The following RNF44 variants were observed in gnomAD, a reference collection of about 807,000 sequenced individuals.
RNF44 encodes ring finger protein 44.
In RNF44, 25 loss-of-function variants were observed where a neutral mutation model predicts 53.6. The observed-to-expected ratio is 0.47, with a 90% CI of 0.34 to 0.65. The LOEUF (loss-of-function observed/expected upper bound fraction) is 0.65. Ranked by LOEUF, RNF44 falls within the 30% of genes least tolerant of loss-of-function variation. RNF44 has a pLI of 0.01. For synonymous variants in RNF44, 282 were observed against 252.2 expected (o/e 1.12, Z -1.12); for missense variants, 581 against 595.5 (o/e 0.98, Z 0.25).
intron 1 of RNF44, among the ~76,000 whole-genome samples, chr5:176,533,047 T>G (rs539909002): frequency 1.1e-3 from 161 of 152,300 alleles, no homozygotes; most frequent in African/African-American, 3.5e-3. Flanking sequence ...AGGCTCCTGC[T>G]GGGCGGGGTC....
At chr5:176,540,680 GC>G (rs1757426940), upstream of RNF44, among the ~76,000 whole-genome samples, 1 of 152,222 alleles carries the variant, frequency 6.6e-6, no homozygotes, top group Non-Finnish European at 1.5e-5. Context: ...CAGGAATGGG[GC>G]TCTGGATCTG....
chr5:176,532,232 G>T (rs1460320195), intron 2 of RNF44, 39 bp from the exon 3 acceptor site: 26 of 1,489,610 alleles, frequency 1.7e-5, no homozygotes, highest in Non-Finnish European at 2.0e-5. Context: ...GACTGAGGGG[G>T]GCCACTCGTG....
intron 7 of RNF44, 90 bp from the exon 8 acceptor site, chr5:176,529,908 C>G (rs1012532333): frequency 1.4e-6 from 2 of 1,408,318 alleles, no homozygotes; most frequent in Non-Finnish European, 1.9e-6. Flanking sequence ...GCAAACAGAG[C>G]CCAGAACGTT....
At chr5:176,537,618 T>C (rs1271225208), upstream of RNF44, 1 of 152,188 alleles carries the variant, frequency 6.6e-6, no homozygotes, top group Non-Finnish European at 1.5e-5. Context: ...GCAAAACCGA[T>C]CGGCTGCAAC....
In RNF44 at chr5:176,527,786, C is replaced by T. The variant is rs992057893; in HGVS notation, c.*1242G>A. On this transcript the variant is annotated 3_prime_UTR_variant, in exon 11 of 11. Transcript: ENST00000274811. ...AAAGTGGGTGGGAAGCTCAGCCAGA[C>T]CCTACAGCGGCCTCCTCCAGAACTT... The T allele has an allele frequency of 1.3e-5, 2 of 152,334 alleles. No individual in the cohort carries two copies. Among genetic ancestry groups the T allele is most frequent in the Non-Finnish European group, 2.9e-5 (2 of 68,116 alleles). The allele number at this position is 152,334 out of a possible 1,614,324, so 9.4% of individuals were successfully genotyped here.
In RNF44 at chr5:176,527,402, G is replaced by A. The variant is rs1326751854; in HGVS notation, c.*1626C>T. The A allele has an allele frequency of 6.6e-6, 1 of 152,616 alleles. No individual in the cohort carries two copies. Among genetic ancestry groups the A allele is most frequent in the African/African-American group, 2.4e-5 (1 of 41,454 alleles). 9.5% of individuals were successfully genotyped at this position (152,616 alleles called of 1,614,324 possible). On this transcript the variant is annotated 3_prime_UTR_variant, in exon 11 of 11. Coordinates refer to ENST00000274811, the MANE Select transcript of RNF44 (RefSeq NM_014901.5). The stretch of plus-strand genomic sequence containing the variant: ...TGTGAGCCTGTTTCCGCCTGCCCCA[G>A]GAACTGTAAGGGGTTTGAAAACGTT...
At chr5:176,535,653 T>A (rs1055138677) in intron 1 of RNF44, among the ~76,000 whole-genome samples, 1 of 152,150 alleles carries the variant, frequency 6.6e-6, no homozygotes, top group Non-Finnish European at 1.5e-5. Context: ...AATCACCTAA[T>A]CCCGAGTCTC....
At position 176,532,430 on chromosome 5, in the gene RNF44, C is replaced by T. The variant is rs748485699; in HGVS notation, c.43G>A (p.Ala15Thr). ...GAGAATCGCCGCTGGCCCACGGGGG[C>T]GGAGGGTGGCCACCTAGTCACTGCC... is the stretch of plus-strand genomic sequence containing the variant. ...ALAVTRWPPS[A>T]PVGQRRFSAG... Residue 15 changes from alanine to threonine, a missense_variant, in exon 2 of 11, where the codon GCC becomes ACC. By Grantham distance (58) the Ala-to-Thr change is moderately conservative (BLOSUM62 0). Transcript: ENST00000274811. 8.6e-5 allele frequency: 127 copies of T among 1,471,754 alleles called. No homozygotes were observed. Among genetic ancestry groups the T allele is most frequent in the Admixed American group, 1.1e-4 (6 of 55,110 alleles). The allele number at this position is 1,471,754 out of a possible 1,614,324, so 91.2% of individuals were successfully genotyped here.
At chr5:176,536,329 G>C (rs1046938771) in intron 1 of RNF44, 1 of 152,284 alleles carries the variant, frequency 6.6e-6, no homozygotes, top group African/African-American at 2.4e-5. Flanking sequence ...CCTTCCCACA[G>C]CGCCCAAATA....
rs780716424 is a variant in RNF44 at position 176,529,026 on chromosome 5, C to T, written c.*2G>A. 1 of 1,611,562 alleles carries T rather than the reference C, an allele frequency of 6.2e-7. No individual in the cohort carries two copies. The highest frequency in any genetic ancestry group is 1.1e-5 in the South Asian group (1 of 90,932). On this transcript the variant is annotated 3_prime_UTR_variant, in exon 11 of 11. Coordinates refer to ENST00000274811, the MANE Select transcript of RNF44 (RefSeq NM_014901.5). ...TTCTCCCGGGCAGGCGGCTGCGTGG[C>T]CTCACTCAGCCTCCCTGGGCACCTC...
Position 176,530,921 on chromosome 5 carries a change from G to GGC in RNF44, c.565_566insGC (p.Ala189GlyfsTer85). On this transcript the variant is annotated frameshift_variant, in exon 5 of 11. Transcript: ENST00000274811. LOFTEE classifies it high-confidence loss of function. Reference sequence around the variant, plus strand: ...CATGTGGGTGGGCTGGGGGGGTGGGGCCGGTGGTGGGGGGTGCAGGATGTA... The same window carrying GGC: ...CATGTGGGTGGGCTGGGGGGGTGGGGGCCCGGTGGTGGGGGGTGCAGGATGTA... 5.1e-6 allele frequency: 4 copies of GGC among 778,454 alleles called. No individual in the cohort carries two copies. The highest frequency in any genetic ancestry group is 7.8e-6 in the Non-Finnish European group (4 of 514,206). 48.2% of individuals were successfully genotyped at this position (778,454 alleles called of 1,614,324 possible).
chr5:176,543,452 C>G, the RNF44 span: 1 of 151,926 alleles, frequency 6.6e-6, no homozygotes, highest in Non-Finnish European at 1.5e-5. This position sits in a 1 kb window ranked among gnomAD's most constrained non-coding sequence, Gnocchi z 4.0. Context: ...GCTTCCAGGA[C>G]CCCCGCCCCG....
chr5:176,534,256 G>A (rs537917598), intron 1 of RNF44, among the ~76,000 whole-genome samples: 3 of 152,336 alleles, frequency 2.0e-5, no homozygotes, highest in African/African-American at 7.2e-5. Flanking sequence ...ACTGACAGTT[G>A]GGAGATTACA....
Position 176,528,974 on chromosome 5 carries a change from C to T in RNF44, c.*54G>A. 6.4e-7 allele frequency: 1 copy of T among 1,564,882 alleles called. No individual in the cohort carries two copies. The highest frequency in any genetic ancestry group is 2.2e-5 in the East Asian group (1 of 44,530). Reference sequence around the variant, plus strand: ...CTCCCCATCCTCCCTGGGCCCCACCCACAAGTTTCCAGAGCTTCAGGCAGG... The same window carrying T: ...CTCCCCATCCTCCCTGGGCCCCACCTACAAGTTTCCAGAGCTTCAGGCAGG... On this transcript the variant is annotated 3_prime_UTR_variant, in exon 11 of 11. Transcript: ENST00000274811.
In RNF44 at chr5:176,527,232, T is replaced by C. The variant is rs757685014; in HGVS notation, c.*1796A>G. On this transcript the variant is annotated 3_prime_UTR_variant, in exon 11 of 11. Coordinates refer to ENST00000274811, the MANE Select transcript of RNF44 (RefSeq NM_014901.5). ...CCACCACAGGAAATCATTGGTAACA[T>C]GGCATCTATAGCAAGGTCGGCAGAT... is the stretch of plus-strand genomic sequence containing the variant. 4 of 152,472 alleles carry C rather than the reference T, an allele frequency of 2.6e-5. No homozygotes were observed. Among genetic ancestry groups the C allele is most frequent in the Non-Finnish European group, 5.9e-5 (4 of 68,050 alleles). 9.4% of individuals were successfully genotyped at this position (152,472 alleles called of 1,614,324 possible).
At position 176,531,333 on chromosome 5, in the gene RNF44, G is replaced by C; in HGVS notation, c.465+130C>G. 1 of 904,212 alleles carries C rather than the reference G, an allele frequency of 1.1e-6. No individual in the cohort carries two copies. The highest frequency in any genetic ancestry group is 1.6e-6 in the Non-Finnish European group (1 of 611,850). The allele number at this position is 904,212 out of a possible 1,614,324, so 56.0% of individuals were successfully genotyped here. A position where few individuals can be genotyped will look rare whatever the true frequency, so the allele number is the denominator to read the frequency against. On this transcript the variant is annotated intron_variant, in intron 4 of 10. Coordinates refer to ENST00000274811, the MANE Select transcript of RNF44 (RefSeq NM_014901.5). The surrounding 1 kb of genome is among the most constrained non-coding windows in gnomAD (Gnocchi z 4.2). ...CGCGTATGCTTTCCTGGGGAGGCCA[G>C]GCAGGCGCTCTGACAGCCTGGATGG...
At chr5:176,529,242 C>G (rs369358254) in intron 10 of RNF44, 46 bp downstream of exon 10, 4 of 1,576,206 alleles carry the variant, frequency 2.5e-6, no homozygotes, top group Non-Finnish European at 1.7e-6. Flanking sequence ...CCCATCCCCC[C>G]GTCACTGCAT....
At chr5:176,536,574 C>T (rs1392082824) in intron 1 of RNF44, among the ~76,000 whole-genome samples, 1 of 152,286 alleles carries the variant, frequency 6.6e-6, no homozygotes, top group Admixed American at 6.5e-5. Flanking sequence ...GGAGGGACAC[C>T]GGGGGCGGGA....
rs778750355 is a variant in RNF44, at chr5:176,531,487, G to A, written c.441C>T (p.Tyr147=). 1.3e-6 allele frequency: 2 copies of A among 1,578,190 alleles called. No homozygotes were observed. The highest frequency in any genetic ancestry group is 1.2e-5 in the South Asian group (1 of 86,758). The change falls in exon 4 of 11, where the codon TAC becomes TAT. Residue 147 remains tyrosine, a synonymous_variant. Coordinates refer to ENST00000274811, the MANE Select transcript of RNF44 (RefSeq NM_014901.5). The surrounding 1 kb of genome is among the most constrained non-coding windows in gnomAD (Gnocchi z 4.2). ...CCGGGGGCGGGAGGCAGCAGAGGGG[G>A]TAATGCTGCCCACTGAACATCACGG... ...ACSVMFSGQH[Y]PLCCLPPPLI...
Sources: gnomAD v4.1 joint callset for allele counts (sites outside exome capture counted in the v4.1 genomes callset) on GRCh38, gnomAD v4.1.1 for gene constraint, Gnocchi (gnomAD v3.1) non-coding constraint, MANE v1.5 for transcripts, NCBI Gene and HGNC (gene_info 2026-07-23, HGNC 2026-07-21) for gene names.